MAGI2: variants seen among roughly 807,000 people sequenced by gnomAD.
MAGI2 encodes membrane-associated guanylate kinase, WW and PDZ domain-containing protein 2.
In MAGI2, 35 loss-of-function variants were observed where a neutral mutation model predicts 133.3. The ratio of observed to expected loss-of-function variants is 0.26; its 90% CI spans 0.20 to 0.35. The LOEUF is 0.35. Ranked by LOEUF, MAGI2 falls within the 10% of genes least tolerant of loss-of-function variation. MAGI2 has a pLI of 1.00. For synonymous variants in MAGI2, 729 were observed against 710.6 expected, an observed-to-expected ratio of 1.03 and a Z score of -0.41; for missense variants, 1,636 against 1,863.4, an observed-to-expected ratio of 0.88 and a Z score of 2.25.
Position 78,342,013 on chromosome 7 carries a change from G to A in MAGI2, c.1408+1765C>T, listed in dbSNP as rs191852405. Among the ~76,000 whole-genome samples the A allele has an allele frequency of 1.6e-4, 25 of 152,204 alleles. No homozygotes were observed. The East Asian group carries it at 4.8e-3, about 29-fold the overall frequency. Reference sequence around the variant, plus strand: ...CACTGCAAAAGAAACTATCATCAAAGTGAACAGGCAACCTACAGAATGGGA... The same window carrying A: ...CACTGCAAAAGAAACTATCATCAAAATGAACAGGCAACCTACAGAATGGGA... On this transcript the variant is annotated intron_variant, in intron 9 of 21. Transcript: ENST00000354212.
intron 1 of MAGI2, among the ~76,000 whole-genome samples, chr7:79,034,133 A>T (rs1810893120): frequency 6.6e-6 from 1 of 152,170 alleles, no homozygotes; most frequent in Non-Finnish European, 1.5e-5. Context: ...TCATAATGCC[A>T]CTGAGTTCTC....
chr7:78,724,855 A>T (rs969548987), intron 2 of MAGI2, among the ~76,000 whole-genome samples: 1 of 152,240 alleles, frequency 6.6e-6, no homozygotes, highest in Non-Finnish European at 1.5e-5. Context: ...CTTCAGAAGG[A>T]TGTCACATGA....
intron 1 of MAGI2, among the ~76,000 whole-genome samples, chr7:79,058,508 A>C (rs930555250): frequency 6.6e-6 from 1 of 152,152 alleles, no homozygotes; most frequent in Non-Finnish European, 1.5e-5. Flanking sequence ...CAGGCAGATC[A>C]GTGGGTAATA....
Position 78,893,192 on chromosome 7 carries a change from A to C in MAGI2, c.418+113898T>G, listed in dbSNP as rs1584307342. 4.6e-5 allele frequency among the ~76,000 whole-genome samples: 7 copies of C among 152,156 alleles called. No individual in the cohort carries two copies. The South Asian group carries it at 1.2e-3, about 27-fold the overall frequency. ...AAACCACAAGGAGATACCATCTCAC[A>C]CCAGTTAGAATGGCAATCATTAAAA... On this transcript the variant is annotated intron_variant, in intron 2 of 21. Coordinates refer to ENST00000354212, the MANE Select transcript of MAGI2 (RefSeq NM_012301.4).
intron 9 of MAGI2, among the ~76,000 whole-genome samples, chr7:78,274,613 CTT>C (rs34832831): frequency 0.2 from 29,419 of 148,988 alleles, 3,285 homozygotes; most frequent in South Asian, 0.31. Flanking sequence ...GGGGTGCTGC[CTT>C]TTTTTTTTAG....
chr7:78,067,408 T>C (rs1813948679), intron 21 of MAGI2, among the ~76,000 whole-genome samples: 1 of 152,164 alleles, frequency 6.6e-6, no homozygotes, highest in African/African-American at 2.4e-5. Context: ...GAGAGTTGCA[T>C]ACTGTGCTAG....
chr7:78,095,004 G>T (rs1251385982), intron 20 of MAGI2, among the ~76,000 whole-genome samples: 1 of 152,142 alleles, frequency 6.6e-6, no homozygotes, highest in Non-Finnish European at 1.5e-5. Flanking sequence ...GGGTATGTAT[G>T]AGGGACAACA....
intron 3 of MAGI2, among the ~76,000 whole-genome samples, chr7:78,536,472 G>T (rs1326235724): frequency 3.9e-5 from 6 of 152,130 alleles, no homozygotes; most frequent in Non-Finnish European, 8.8e-5. Context: ...TGAGCCCCGG[G>T]CAAGGAGAAC....
intron 1 of MAGI2, among the ~76,000 whole-genome samples, chr7:79,237,304 C>T (rs1410835270): frequency 2.0e-5 from 3 of 152,146 alleles, no homozygotes; most frequent in African/African-American, 7.2e-5. Flanking sequence ...ACCATCCTGG[C>T]TAACACGGTG....
intron 9 of MAGI2, among the ~76,000 whole-genome samples, chr7:78,316,900 A>G (rs1253655644): frequency 6.6e-6 from 1 of 152,128 alleles, no homozygotes; most frequent in Non-Finnish European, 1.5e-5. Flanking sequence ...TTTTCTCTTT[A>G]CTTACAAATT....
intron 20 of MAGI2, among the ~76,000 whole-genome samples, chr7:78,095,667 T>C (rs990734694): frequency 3.3e-5 from 5 of 152,160 alleles, no homozygotes; most frequent in African/African-American, 4.8e-5. Context: ...CCTTTTTCCC[T>C]CATGGAGAAT....
chr7:78,387,908 G>A (rs1252575342), intron 6 of MAGI2, among the ~76,000 whole-genome samples: 1 of 151,236 alleles, frequency 6.6e-6, no homozygotes, highest in African/African-American at 2.4e-5. Context: ...CCTGGGCAAC[G>A]AAGTGAAACT....
intron 6 of MAGI2, among the ~76,000 whole-genome samples, chr7:78,391,944 G>A (rs1795928614): frequency 6.6e-6 from 1 of 152,212 alleles, no homozygotes; most frequent in African/African-American, 2.4e-5. Context: ...AACAGATCAA[G>A]TTTCAGAGAA....
At chr7:78,573,366 A>AGAGCCCATGTC (rs1801912228) in intron 3 of MAGI2, among the ~76,000 whole-genome samples, 1 of 1,282 alleles carries the variant, frequency 7.8e-4, no homozygotes, top group Non-Finnish European at 1.3e-3. Context: ...AATCCTGGAA[A>AGAGCCCATGTC]TATATATATA....
intron 1 of MAGI2, among the ~76,000 whole-genome samples, chr7:79,449,045 TTTTG>T (rs1849053356): frequency 6.6e-6 from 1 of 152,180 alleles, no homozygotes. Flanking sequence ...TTAAACAATG[TTTTG>T]TTTATTAAAC....
intron 1 of MAGI2, among the ~76,000 whole-genome samples, chr7:79,440,335 A>G (rs561467643): frequency 1.9e-4 from 29 of 152,178 alleles, no homozygotes; most frequent in Non-Finnish European, 3.1e-4. Context: ...AAGTACTTCA[A>G]GTTGGTTTTT....
chr7:78,918,499 A>T (rs749239491), intron 2 of MAGI2, among the ~76,000 whole-genome samples: 4 of 152,172 alleles, frequency 2.6e-5, no homozygotes, highest in Non-Finnish European at 5.9e-5. Context: ...CCAATATGAT[A>T]TTGTGCCCAT....
At chr7:78,086,641 AT>A (rs368254308) in intron 20 of MAGI2, among the ~76,000 whole-genome samples, 11 of 116,316 alleles carry the variant, frequency 9.5e-5, no homozygotes, top group African/African-American at 1.4e-4. Flanking sequence ...TATTATTATT[AT>A]TTTTTTTTTT....
At chr7:79,274,575 A>T (rs1311657919) in intron 1 of MAGI2, among the ~76,000 whole-genome samples, 1 of 92,004 alleles carries the variant, frequency 1.1e-5, no homozygotes, top group Admixed American at 1.3e-4. Context: ...TATATATATT[A>T]TATTATATAT....
Sources: gnomAD v4.1 joint callset for allele counts (sites outside exome capture counted in the v4.1 genomes callset) on GRCh38, gnomAD v4.1.1 for gene constraint, MANE v1.5 for transcripts, NCBI Gene and HGNC (gene_info 2026-07-23, HGNC 2026-07-21) for gene names.